Variants in ASAH2 observed in about 807,000 individuals in gnomAD.
The protein encoded by ASAH2 is N-acylsphingosine amidohydrolase 2, also known as neutral ceramidase.
A neutral mutation model predicts 82.9 loss-of-function variants in ASAH2; 58 were observed. That is an observed-to-expected ratio of 0.70 (90% confidence interval 0.57 to 0.87). The LOEUF (loss-of-function observed/expected upper bound fraction) is 0.87. Ranked by LOEUF, ASAH2 falls within the 40% of genes least tolerant of loss-of-function variation. ASAH2 has a pLI of 0.00. For missense variants in ASAH2, 779 were observed against 834.0 expected (o/e 0.93, Z 0.81); for synonymous variants, 276 against 289.7 (o/e 0.95, Z 0.48).
intron 2 of ASAH2, among the ~76,000 whole-genome samples, chr10:50,246,843 T>C (rs981196276): frequency 2.0e-5 from 3 of 152,202 alleles, no homozygotes; most frequent in Admixed American, 6.5e-5. Context: ...GCTACCAGCA[T>C]AGGAATGTCA....
chr10:50,208,978 C>T (rs899086767), intron 12 of ASAH2, among the ~76,000 whole-genome samples: 12 of 152,102 alleles, frequency 7.9e-5, no homozygotes, highest in African/African-American at 2.7e-4. Flanking sequence ...AATTGATCAT[C>T]CAGACATAAA....
chr10:50,241,685 T>C (rs1198068306), intron 4 of ASAH2, among the ~76,000 whole-genome samples: 1 of 152,144 alleles, frequency 6.6e-6, no homozygotes, highest in Non-Finnish European at 1.5e-5. Context: ...GTGGCACATA[T>C]ACACCATGGA....
chr10:50,230,755 A>G (rs1308525908), intron 7 of ASAH2, among the ~76,000 whole-genome samples: 9 of 152,122 alleles, frequency 5.9e-5, no homozygotes, highest in African/African-American at 2.2e-4. Flanking sequence ...AATGATTCAA[A>G]AACTGGCCAG....
intron 7 of ASAH2, among the ~76,000 whole-genome samples, chr10:50,227,629 A>C (rs1441458800): frequency 1.3e-5 from 2 of 152,130 alleles, no homozygotes; most frequent in Non-Finnish European, 2.9e-5. Context: ...TACTGAAAAA[A>C]AACTTAGAAA....
At chr10:50,208,287 C>T (rs1845358149) in intron 12 of ASAH2, among the ~76,000 whole-genome samples, 1 of 151,826 alleles carries the variant, frequency 6.6e-6, no homozygotes, top group Middle Eastern at 3.2e-3. Context: ...CAACATTGTT[C>T]TGAAGGTTCT....
At chr10:50,228,644 C>T (rs1360931608) in intron 7 of ASAH2, among the ~76,000 whole-genome samples, 3 of 152,126 alleles carry the variant, frequency 2.0e-5, no homozygotes, top group South Asian at 2.1e-4. Flanking sequence ...ACACAAATCA[C>T]TGCCCCTGTC....
rs5784823 is a variant in ASAH2 at position 50,216,308 on chromosome 10, TA to T, written c.1015-1441del. Among the ~76,000 whole-genome samples, 495 of 151,098 alleles carry T rather than the reference TA, an allele frequency of 3.3e-3. 4 individuals carry two copies. In the East Asian group the frequency reaches 0.049, roughly 15 times the overall value. ...TATCCAAAAACTTAAAGTATAATAATAAAAAAAAAAATCCAGAAAAAAATAT... is the reference window on the plus strand; with the variant it reads ...TATCCAAAAACTTAAAGTATAATAATAAAAAAAAAATCCAGAAAAAAATAT... On this transcript the variant is annotated intron_variant, in intron 8 of 20. Coordinates refer to ENST00000682911, the MANE Select transcript of ASAH2 (RefSeq NM_019893.4).
Position 50,245,338 on chromosome 10 carries a change from T to C in ASAH2, c.244A>G (p.Thr82Ala). 6.2e-7 allele frequency: 1 copy of C among 1,613,916 alleles called. No individual in the cohort carries two copies. Reference protein sequence around the residue: ...HSTATQSSTATQTSPVPLTPE... With the variant: ...HSTATQSSTAAQTSPVPLTPE... ...GTTAAAGGCACTGGAGAAGTTTGAG[T>C]GGCTGTGGAGCTCTGGGTGGCTGTG... Residue 82 changes from threonine to alanine, a missense_variant, in exon 3 of 21, where the codon ACT becomes GCT. Transcript: ENST00000682911.
At chr10:50,250,417 C>G (rs1234975534) in intron 1 of ASAH2, among the ~76,000 whole-genome samples, 1 of 152,168 alleles carries the variant, frequency 6.6e-6, no homozygotes, top group African/African-American at 2.4e-5. Context: ...TGCCCTTAAC[C>G]ACCAGCAGCA....
At chr10:50,235,464 T>C (rs963899354) in intron 5 of ASAH2, among the ~76,000 whole-genome samples, 29 of 151,956 alleles carry the variant, frequency 1.9e-4, no homozygotes, top group Admixed American at 1.8e-3. Flanking sequence ...ACTTGAAAAA[T>C]TGGGATGTGT....
intron 12 of ASAH2, among the ~76,000 whole-genome samples, chr10:50,208,693 C>T (rs956741978): frequency 1.2e-4 from 18 of 152,060 alleles, no homozygotes; most frequent in African/African-American, 2.4e-4. Flanking sequence ...CATCTATGTA[C>T]GTGGATCAGA....
chr10:50,234,424 C>T lies in ASAH2; in HGVS notation c.815+1G>A. On this transcript the variant is annotated splice_donor_variant, in intron 6 of 20. Coordinates refer to ENST00000682911, the MANE Select transcript of ASAH2 (RefSeq NM_019893.4). LOFTEE classifies it high-confidence loss of function. ...ATTTCATTTTGACGATTCCTCCTCA[C>T]CTTGCTCTCTCTGACTGCGGATTTT... 6.2e-7 allele frequency: 1 copy of T among 1,612,968 alleles called. No homozygotes were observed.
chr10:50,244,106 A>T (rs7092163), intron 3 of ASAH2, among the ~76,000 whole-genome samples: 32,261 of 152,102 alleles, frequency 0.21, 5,123 homozygotes, highest in African/African-American at 0.43. Flanking sequence ...CAGGAGCTGG[A>T]GGGAAATTTT....
intron 18 of ASAH2, among the ~76,000 whole-genome samples, chr10:50,193,225 G>A (rs1414002141): frequency 6.6e-6 from 1 of 151,350 alleles, no homozygotes; most frequent in Non-Finnish European, 1.5e-5. Flanking sequence ...AAGAAAGACA[G>A]TGATATTTGA....
chr10:50,207,789 G>A (rs1465260832), intron 12 of ASAH2, among the ~76,000 whole-genome samples: 1 of 151,596 alleles, frequency 6.6e-6, no homozygotes, highest in Non-Finnish European at 1.5e-5. Flanking sequence ...AATAGAAAAG[G>A]GAACACTTCC....
Position 50,243,241 on chromosome 10 carries a change from GC to G in ASAH2, c.470del (p.Ser157ThrfsTer4). 1.3e-5 allele frequency: 21 copies of G among 1,614,044 alleles called. No individual in the cohort carries two copies. The highest frequency in any genetic ancestry group is 1.8e-5 in the Non-Finnish European group (21 of 1,179,938). ...PDGSNRTVFV[S>X]IDIGMVSQRL... ...TTTGTGATACCATGCCTATGTCGAT[GC>G]TGACAAACACTGTTCGATTGGACCC... On this transcript the variant is annotated frameshift_variant, in exon 4 of 21. Coordinates refer to ENST00000682911, the MANE Select transcript of ASAH2 (RefSeq NM_019893.4). LOFTEE classifies it high-confidence loss of function.
rs1251127100 is a variant in ASAH2, at chr10:50,236,912, AT to A, written c.511-849del. 1.8e-4 allele frequency among the ~76,000 whole-genome samples: 27 copies of A among 152,150 alleles called. No homozygotes were observed. The East Asian group carries it at 3.7e-3, about 21-fold the overall frequency. The stretch of plus-strand genomic sequence containing the variant: ...TATATGAGGTTCTTGTCTTGAAGAT[AT>A]TTTTTTTCTAATGAAAGACAAAGAC... On this transcript the variant is annotated intron_variant, in intron 4 of 20. Transcript: ENST00000682911.
At position 50,213,000 on chromosome 10, in the gene ASAH2, A is replaced by G. The variant is rs1845499190; in HGVS notation, c.1199T>C (p.Ile400Thr). 8 of 1,613,774 alleles carry G rather than the reference A, an allele frequency of 5.0e-6. No individual in the cohort carries two copies. The Admixed American group carries it at 1.3e-4, about 27-fold the overall frequency. The change falls in exon 10 of 21, where the codon ATA becomes ACA. Residue 400 changes from isoleucine (I) to threonine (T), a missense_variant. By Grantham distance (89) the Ile-to-Thr change is moderately conservative (BLOSUM62 -1). Transcript: ENST00000682911. ...GQDMFDSTQI[I>T]GRAMYQRAKE... ...TGCTCTCTGATACATGGCCCGTCCT[A>G]TAATTTGTGTGCTGTCAAACATATC...
intron 4 of ASAH2, among the ~76,000 whole-genome samples, chr10:50,239,855 A>C (rs942713335): frequency 8.9e-6 from 1 of 112,856 alleles, no homozygotes; most frequent in Non-Finnish European, 1.9e-5. Context: ...TTTGAGTCAG[A>C]GTCTCACTCT....
Sources: allele counts gnomAD v4.1 joint callset (sites outside exome capture counted in the v4.1 genomes callset), GRCh38; gene constraint gnomAD v4.1.1; transcripts MANE v1.5; gene names NCBI Gene and HGNC (gene_info 2026-07-23, HGNC 2026-07-21).